CELF2: variants seen among roughly 807,000 people sequenced by gnomAD.
CELF2 encodes CUGBP Elav-like family member 2, also known as CUG triplet repeat RNA-binding protein 2.
CELF2 carries 8 observed loss-of-function variants against 62.6 expected under a neutral mutation model. That is an observed-to-expected ratio of 0.13 (90% CI 0.07 to 0.23). The LOEUF is 0.23. CELF2 is among the 10% of genes least tolerant of loss of function. The probability of loss-of-function intolerance (pLI) is 1.00; values close to 1 mark genes in which losing one functional copy is unlikely to be tolerated. For missense variants in CELF2, 333 were observed against 671.0 expected, an observed-to-expected ratio of 0.50 and a Z score of 5.56; for synonymous variants, 258 against 250.0, an observed-to-expected ratio of 1.03 and a Z score of -0.30.
chr10:10,530,380 G>A, the CELF2 span, among the ~76,000 whole-genome samples: 1 of 152,172 alleles, frequency 6.6e-6, no homozygotes, highest in Admixed American at 6.5e-5. Flanking sequence ...GCAAAATTAG[G>A]AATGTTTTTG....
At chr10:10,477,626 A>C in the CELF2 span, among the ~76,000 whole-genome samples, 1 of 152,144 alleles carries the variant, frequency 6.6e-6, no homozygotes, top group Non-Finnish European at 1.5e-5. Flanking sequence ...TGCCCCTAAA[A>C]AGTAAATAGG....
the CELF2 span, among the ~76,000 whole-genome samples, chr10:10,732,618 G>A: frequency 6.6e-6 from 1 of 151,442 alleles, no homozygotes; most frequent in South Asian, 2.1e-4. Context: ...CTGTCTCCCG[G>A]GTTCAAGCGC....
At chr10:10,776,046 T>G in the CELF2 span, among the ~76,000 whole-genome samples, 1 of 152,242 alleles carries the variant, frequency 6.6e-6, no homozygotes, top group Non-Finnish European at 1.5e-5. Context: ...AGAGGCATCA[T>G]TAATAGAAAC....
At chr10:10,779,778 T>C in the CELF2 span, among the ~76,000 whole-genome samples, 2 of 152,198 alleles carry the variant, frequency 1.3e-5, no homozygotes, top group African/African-American at 2.4e-5. Context: ...GCAGTCAGTA[T>C]TGAGAATCAC....
At chr10:10,819,979 G>A (rs183373462) in intron 1 of CELF2, among the ~76,000 whole-genome samples, 1 of 152,248 alleles carries the variant, frequency 6.6e-6, no homozygotes, top group Admixed American at 6.5e-5. Context: ...GTTCCCGTGT[G>A]TTGTGGGAGG....
chr10:10,877,102 T>G (rs2061147465), intron 1 of CELF2, among the ~76,000 whole-genome samples: 1 of 152,250 alleles, frequency 6.6e-6, no homozygotes, highest in Admixed American at 6.5e-5. Flanking sequence ...TAATGTAGAC[T>G]TGCCTTAAAC....
At chr10:10,616,713 TGTGTGTGA>T in the CELF2 span, among the ~76,000 whole-genome samples, 112 of 130,826 alleles carry the variant, frequency 8.6e-4, no homozygotes, top group African/African-American at 1.2e-3. Context: ...TGTGTGTGTG[TGTGTGTGA>T]GAGAGAGAGA....
chr10:11,080,708 G>A (rs1383364177), intron 1 of CELF2, among the ~76,000 whole-genome samples: 1 of 152,216 alleles, frequency 6.6e-6, no homozygotes, highest in African/African-American at 2.4e-5. Flanking sequence ...ACCTTATGTG[G>A]GTGGTTAATT....
At chr10:10,966,183 G>A (rs530029443) in intron 2 of CELF2, among the ~76,000 whole-genome samples, 5 of 152,246 alleles carry the variant, frequency 3.3e-5, no homozygotes, top group South Asian at 2.1e-4. Context: ...CAGTGTCCAC[G>A]TGCAGCACTC....
chr10:10,682,642 AT>A, the CELF2 span, among the ~76,000 whole-genome samples: 185 of 145,184 alleles, frequency 1.3e-3, no homozygotes, highest in African/African-American at 3.3e-3. Context: ...TTCTCTTTGC[AT>A]TTTTTTTTTC....
In CELF2 at chr10:10,908,510, G is replaced by A. The variant is rs1368773040; in HGVS notation, c.54-11454G>A. Among the ~76,000 whole-genome samples, 6 of 151,272 alleles carry A rather than the reference G, an allele frequency of 4.0e-5. No individual in the cohort carries two copies. In the Middle Eastern group the frequency reaches 0.01, roughly 264 times the overall value. ...GCTAGGATTACAGGCATGAGCCACC[G>A]CGCCCGACCTGAAGGGATATTTTTA... On this transcript the variant is annotated intron_variant, in intron 1 of 13. Coordinates refer to the CELF2 transcript ENST00000636488.
intron 1 of CELF2, among the ~76,000 whole-genome samples, chr10:11,089,891 A>G (rs1013184706): frequency 2.0e-5 from 3 of 152,190 alleles, no homozygotes; most frequent in African/African-American, 7.2e-5. Context: ...GATGAGTTGG[A>G]GGCCATTATC....
intron 1 of CELF2, chr10:10,846,117 G>A (rs1288578217): frequency 1.0e-6 from 1 of 985,112 alleles, no homozygotes; most frequent in Non-Finnish European, 1.2e-6. Flanking sequence ...GCAGGAGTAA[G>A]CAATTCCTTT....
intron 1 of CELF2, among the ~76,000 whole-genome samples, chr10:11,131,480 G>A (rs1233488970): frequency 1.3e-5 from 2 of 152,220 alleles, no homozygotes; most frequent in African/African-American, 4.8e-5. Flanking sequence ...TCTGAAAGCT[G>A]ACTTTGACCT....
rs752799451 is a variant in CELF2 at position 10,983,346 on chromosome 10, T to C, written c.89+63347T>C. Among the ~76,000 whole-genome samples, 58 of 152,228 alleles carry C rather than the reference T, an allele frequency of 3.8e-4. No individual in the cohort carries two copies. Among genetic ancestry groups the C allele is most frequent in the Non-Finnish European group, 7.2e-4 (49 of 68,038 alleles). ...GGGTATTCAGTTAGTAACCTGTATC[T>C]AAGTTGATACATATCTTCCCTAACC... On this transcript the variant is annotated intron_variant, in intron 2 of 13. Coordinates refer to the CELF2 transcript ENST00000636488. The surrounding 1 kb of genome is among the most constrained non-coding windows in gnomAD (Gnocchi z 5.2).
chr10:10,945,275 C>A (rs1321643079), intron 2 of CELF2, among the ~76,000 whole-genome samples: 1 of 152,184 alleles, frequency 6.6e-6, no homozygotes, highest in Non-Finnish European at 1.5e-5. Flanking sequence ...CGGCTTCATG[C>A]AGTAGCCTTG....
the CELF2 span, among the ~76,000 whole-genome samples, chr10:10,770,698 C>T: frequency 6.6e-6 from 1 of 151,058 alleles, no homozygotes; most frequent in Non-Finnish European, 1.5e-5. Flanking sequence ...AGTACCAGCC[C>T]TAATTCCTCT....
At chr10:10,517,573 C>A in the CELF2 span, among the ~76,000 whole-genome samples, 1 of 152,154 alleles carries the variant, frequency 6.6e-6, no homozygotes, top group Non-Finnish European at 1.5e-5. Flanking sequence ...ACATCTGAAG[C>A]CTGGATCCCT....
In CELF2 at chr10:11,237,214, G is replaced by A. The variant is rs1356743448; in HGVS notation, c.355-11939G>A. 6.6e-6 allele frequency among the ~76,000 whole-genome samples: 1 copy of A among 152,124 alleles called. No homozygotes were observed. The highest frequency in any genetic ancestry group is 1.5e-5 in the Non-Finnish European group (1 of 68,024). ...AGGAAAAGAAATTAGGAGAGAGAGA[G>A]AGAGCTAAACTGAGGATTTCAAGGG... On this transcript the variant is annotated intron_variant, in intron 3 of 12. Coordinates refer to ENST00000633077, the MANE Select transcript of CELF2 (RefSeq NM_001326342.2). The surrounding 1 kb of genome is among the most constrained non-coding windows in gnomAD (Gnocchi z 4.0).
Sources: allele counts gnomAD v4.1 joint callset (sites outside exome capture counted in the v4.1 genomes callset), GRCh38; gene constraint gnomAD v4.1.1; non-coding constraint Gnocchi (gnomAD v3.1); transcripts MANE v1.5; gene names NCBI Gene and HGNC (gene_info 2026-07-23, HGNC 2026-07-21).